Variants in ORC3 observed in about 807,000 individuals in gnomAD.
The protein encoded by ORC3 is homolog of latheo, Drosophila.
A neutral mutation model predicts 100.7 loss-of-function variants in ORC3; 78 were observed. That is an observed-to-expected ratio of 0.77 (90% CI 0.65 to 0.94). The LOEUF is 0.94. ORC3 is among the 40% of genes least tolerant of loss of function. The probability of loss-of-function intolerance (pLI) is 0.00; values close to 1 mark genes in which losing one functional copy is unlikely to be tolerated. For synonymous variants in ORC3, 295 were observed against 289.3 expected, an observed-to-expected ratio of 1.02 and a Z score of -0.20; for missense variants, 789 against 823.9, an observed-to-expected ratio of 0.96 and a Z score of 0.52.
intron 11 of ORC3, among the ~76,000 whole-genome samples, chr6:87,630,933 C>G (rs1767357379): frequency 6.6e-6 from 1 of 151,900 alleles, no homozygotes; most frequent in African/African-American, 2.4e-5. Context: ...TACAGTGGTG[C>G]AATCATAGCT....
intron 1 of ORC3, among the ~76,000 whole-genome samples, chr6:87,590,756 A>G (rs1018250090): frequency 6.6e-6 from 1 of 152,210 alleles, no homozygotes; most frequent in Non-Finnish European, 1.5e-5. Flanking sequence ...CGAGGAGGGC[A>G]GAGAGAACAG....
chr6:87,607,229 G>A (rs1286837116), intron 5 of ORC3, among the ~76,000 whole-genome samples: 3 of 152,092 alleles, frequency 2.0e-5, no homozygotes, highest in African/African-American at 7.2e-5. Flanking sequence ...AGGAGTTCGA[G>A]ACCAGCCTGG....
intron 2 of ORC3, among the ~76,000 whole-genome samples, chr6:87,594,790 G>A (rs1252209537): frequency 6.6e-6 from 1 of 151,984 alleles, no homozygotes; most frequent in Admixed American, 6.6e-5. Flanking sequence ...AAGGCTGACT[G>A]GCAACCCAGA....
At chr6:87,643,477 T>C (rs1020485912) in intron 13 of ORC3, among the ~76,000 whole-genome samples, 25 of 151,130 alleles carry the variant, frequency 1.7e-4, no homozygotes, top group African/African-American at 6.1e-4. Context: ...AAAGGAAAAG[T>C]CTTTATTTGT....
At chr6:87,617,018 G>A (rs992319436) in intron 9 of ORC3, among the ~76,000 whole-genome samples, 2 of 152,054 alleles carry the variant, frequency 1.3e-5, no homozygotes, top group East Asian at 1.9e-4. Flanking sequence ...GGCTGGTCTC[G>A]AACTCCTGAC....
At chr6:87,617,207 A>C (rs549733029) in intron 9 of ORC3, among the ~76,000 whole-genome samples, 6 of 150,474 alleles carry the variant, frequency 4.0e-5, no homozygotes, top group Admixed American at 4.0e-4. Context: ...TGGACCATGC[A>C]TGTGTGTGTG....
At chr6:87,674,069 G>A in the ORC3 span, among the ~76,000 whole-genome samples, 1 of 152,062 alleles carries the variant, frequency 6.6e-6, no homozygotes, top group African/African-American at 2.4e-5. Context: ...GGAAGGCCGA[G>A]GTGGGCAGAT....
chr6:87,597,474 C>A (rs889321254), intron 2 of ORC3, among the ~76,000 whole-genome samples: 1 of 152,018 alleles, frequency 6.6e-6, no homozygotes, highest in Non-Finnish European at 1.5e-5. Flanking sequence ...TTTTCAAAAG[C>A]TCCCCACAGG....
intron 5 of ORC3, among the ~76,000 whole-genome samples, chr6:87,606,356 C>T (rs1778340355): frequency 6.6e-6 from 1 of 152,102 alleles, no homozygotes; most frequent in African/African-American, 2.4e-5. Context: ...GAATGAGGAG[C>T]TCTTGTCAGC....
intron 5 of ORC3, 60 bp from the exon 6 acceptor site, chr6:87,607,613 G>C (rs1778437032): frequency 2.1e-6 from 3 of 1,397,720 alleles, no homozygotes. Flanking sequence ...AGTTTCAAGA[G>C]CTTTGGTTTT....
intron 9 of ORC3, among the ~76,000 whole-genome samples, 171 bp from the exon 10 acceptor site, chr6:87,621,183 G>A (rs939738197): frequency 1.1e-4 from 16 of 151,936 alleles, no homozygotes; most frequent in Non-Finnish European, 1.9e-4. Flanking sequence ...AAAATATGGA[G>A]TTATATAGCC....
intron 18 of ORC3, 136 bp from the exon 19 acceptor site, chr6:87,665,618 G>T: frequency 1.7e-6 from 1 of 595,062 alleles, no homozygotes; most frequent in Non-Finnish European, 3.0e-6. Flanking sequence ...GTGATCATCA[G>T]TGTAGTTTTG....
intron 2 of ORC3, 61 bp downstream of exon 2, chr6:87,594,468 C>A: frequency 1.4e-6 from 2 of 1,438,444 alleles, no homozygotes; most frequent in Non-Finnish European, 1.9e-6. Context: ...AGGAACTAAC[C>A]CTAATTGAAT....
intron 7 of ORC3, among the ~76,000 whole-genome samples, chr6:87,610,920 A>T (rs1273929841): frequency 6.9e-6 from 1 of 144,858 alleles, no homozygotes; most frequent in Non-Finnish European, 1.5e-5. Context: ...AGAGTTCTAT[A>T]TATTAGGACT....
chr6:87,598,211 G>A (rs1179204738), intron 2 of ORC3, among the ~76,000 whole-genome samples: 1 of 151,260 alleles, frequency 6.6e-6, no homozygotes, highest in Non-Finnish European at 1.5e-5. Context: ...TTTTTTTAAG[G>A]TGAGATCTCA....
At chr6:87,646,603 TC>T (rs1768809679) in intron 13 of ORC3, among the ~76,000 whole-genome samples, 1 of 152,222 alleles carries the variant, frequency 6.6e-6, no homozygotes, top group African/African-American at 2.4e-5. Flanking sequence ...ACCTCCATGT[TC>T]CTAAATCTAG....
intron 11 of ORC3, among the ~76,000 whole-genome samples, chr6:87,627,559 G>C (rs1190536044): frequency 6.6e-6 from 1 of 151,956 alleles, no homozygotes; most frequent in East Asian, 1.9e-4. Context: ...GCCTCCCAAA[G>C]TGCTGGGATT....
At position 87,621,486 on chromosome 6, in the gene ORC3, A is replaced by T; in HGVS notation, c.1120A>T (p.Arg374Trp). The change falls in exon 10 of 20, where the codon AGG (arginine) becomes TGG (tryptophan). Residue 374 changes from arginine (R) to tryptophan (W), a missense_variant and splice_region_variant. Transcript: ENST00000392844. ...CATCCGACGTCTACCATCTTTTAGG[A>T]GGTAAAAAGAGAAGTACATGTTTAA... ...ENIRRLPSFRRYVEKQASEKQ... is the reference protein window; with the variant it reads ...ENIRRLPSFRWYVEKQASEKQ... 1 of 1,577,006 alleles carries T rather than the reference A, an allele frequency of 6.3e-7. No homozygotes were observed. Among genetic ancestry groups the T allele is most frequent in the Non-Finnish European group, 8.6e-7 (1 of 1,164,792 alleles).
chr6:87,601,254 G>C (rs1157194389), intron 2 of ORC3, among the ~76,000 whole-genome samples: 1 of 152,050 alleles, frequency 6.6e-6, no homozygotes, highest in Non-Finnish European at 1.5e-5. Flanking sequence ...AAATACAGTA[G>C]AAAGATTGAC....
Sources: allele counts gnomAD v4.1 joint callset (sites outside exome capture counted in the v4.1 genomes callset), GRCh38; gene constraint gnomAD v4.1.1; transcripts MANE v1.5; gene names NCBI Gene and HGNC (gene_info 2026-07-23, HGNC 2026-07-21).